The following DIP2A variants were observed in gnomAD, a reference collection of about 807,000 sequenced individuals.
DIP2A encodes the protein disco-interacting protein 2 homolog A.
In DIP2A, 85 loss-of-function variants were observed where a neutral mutation model predicts 177.4. The ratio of observed to expected loss-of-function variants is 0.48; its 90% CI spans 0.40 to 0.57. DIP2A has a LOEUF of 0.57. DIP2A is among the 20% of genes least tolerant of loss of function. The pLI is 0.00. For synonymous variants in DIP2A, 886 were observed against 881.8 expected (o/e 1.00, Z -0.08); for missense variants, 1,791 against 2,100.2 (o/e 0.85, Z 2.88).
chr21:46,559,446 G>A (rs1452838829), intron 32 of DIP2A, among the ~76,000 whole-genome samples: 11 of 152,196 alleles, frequency 7.2e-5, no homozygotes, highest in Non-Finnish European at 2.9e-5. Context: ...AGGGCAGGGC[G>A]GGGGCTCTGC....
chr21:46,459,945 C>G (rs1156502066), intron 1 of DIP2A, among the ~76,000 whole-genome samples: 1 of 152,140 alleles, frequency 6.6e-6, no homozygotes, highest in Non-Finnish European at 1.5e-5. Context: ...GGCTGTAGGT[C>G]TGGGCTTGGT....
chr21:46,522,236 T>G (rs2058855078), intron 8 of DIP2A, among the ~76,000 whole-genome samples: 1 of 152,254 alleles, frequency 6.6e-6, no homozygotes, highest in Non-Finnish European at 1.5e-5. Flanking sequence ...CTTAGTATTT[T>G]TAAACCAGTT....
intron 10 of DIP2A, among the ~76,000 whole-genome samples, chr21:46,533,185 T>C (rs1022792169): frequency 1.3e-5 from 2 of 152,228 alleles, no homozygotes; most frequent in Non-Finnish European, 2.9e-5. Flanking sequence ...TCAAACATGA[T>C]TCAATAGAAA....
downstream of DIP2A, among the ~76,000 whole-genome samples, chr21:46,573,158 C>T (rs569357568): frequency 3.7e-4 from 56 of 151,012 alleles, no homozygotes; most frequent in South Asian, 1.3e-3. Flanking sequence ...CACAGAAGGG[C>T]GCAATACAAG....
At chr21:46,554,055 A>G in intron 25 of DIP2A, 114 bp from the exon 26 acceptor site, 1 of 1,358,238 alleles carries the variant, frequency 7.4e-7, no homozygotes. Context: ...ATTATCATGG[A>G]CGCTAATCAC....
At chr21:46,539,469 C>T (rs541155495) in intron 16 of DIP2A, 28 of 314,494 alleles carry the variant, frequency 8.9e-5, no homozygotes, top group African/African-American at 4.6e-4. Flanking sequence ...CAGGTCTCTG[C>T]GTCTCCACCC....
chr21:46,478,426 G>T (rs552856871), intron 1 of DIP2A, among the ~76,000 whole-genome samples: 3 of 152,106 alleles, frequency 2.0e-5, no homozygotes, highest in African/African-American at 7.2e-5. Context: ...TGGTCAGGCT[G>T]GTCTCGAACT....
intron 6 of DIP2A, 111 bp downstream of exon 6, chr21:46,504,600 T>C: frequency 7.6e-7 from 1 of 1,307,742 alleles, no homozygotes; most frequent in Non-Finnish European, 1.0e-6. Flanking sequence ...CAAACGTCAG[T>C]TTTAATCCAT....
At chr21:46,528,443 C>T (rs16979309) in intron 8 of DIP2A, among the ~76,000 whole-genome samples, 1,826 of 138,714 alleles carry the variant, frequency 0.013, 33 homozygotes, top group African/African-American at 0.046. Flanking sequence ...GGCATGTATA[C>T]GTGTTTATAT....
chr21:46,531,417 A>G (rs559337163), intron 9 of DIP2A, among the ~76,000 whole-genome samples: 6 of 152,362 alleles, frequency 3.9e-5, no homozygotes, highest in African/African-American at 1.4e-4. Flanking sequence ...AAAAGAAAGG[A>G]AATGTGTACT....
intron 9 of DIP2A, 143 bp downstream of exon 9, chr21:46,529,326 G>A (rs1323919014): frequency 3.0e-5 from 18 of 606,220 alleles, no homozygotes; most frequent in Non-Finnish European, 4.2e-5. Context: ...AGGACTGGGT[G>A]CGGTGGCTCA....
At chr21:46,461,983 C>A in intron 1 of DIP2A, among the ~76,000 whole-genome samples, 1 of 151,758 alleles carries the variant, frequency 6.6e-6, no homozygotes, top group African/African-American at 2.4e-5. Context: ...GATCACCTGA[C>A]GAGGTTGTGA....
chr21:46,472,866 C>G (rs1015787162), intron 1 of DIP2A, among the ~76,000 whole-genome samples: 4 of 152,158 alleles, frequency 2.6e-5, no homozygotes, highest in African/African-American at 9.7e-5. Flanking sequence ...CCTGTTGCCT[C>G]TAGAATGGCA....
At chr21:46,484,035 T>G (rs377122451) in intron 1 of DIP2A, among the ~76,000 whole-genome samples, 1 of 152,194 alleles carries the variant, frequency 6.6e-6, no homozygotes, top group African/African-American at 2.4e-5. Context: ...TTTTTCCTTA[T>G]GATAATTTAC....
At position 46,529,128 on chromosome 21, in the gene DIP2A, C is replaced by G; in HGVS notation, c.1139C>G (p.Thr380Ser). The G allele has an allele frequency of 2.0e-6, 3 of 1,531,684 alleles. No homozygotes were observed. Among genetic ancestry groups the G allele is most frequent in the Non-Finnish European group, 2.6e-6 (3 of 1,138,828 alleles). 94.9% of individuals were successfully genotyped at this position (1,531,684 alleles called of 1,614,324 possible). The change falls in exon 9 of 38, where the codon ACT becomes AGT. Residue 380 changes from threonine to serine, a missense_variant. Transcript: ENST00000417564. The part of the protein sequence containing the change: ...LWSRSLKLAY[T>S]LLNKLTSKNE... ...AGTCGGAGTTTAAAACTAGCTTATA[C>G]TCTACTTAATAAACTGACAAGTAAG...
intron 32 of DIP2A, among the ~76,000 whole-genome samples, chr21:46,560,398 A>G (rs1279415199): frequency 6.6e-6 from 1 of 152,246 alleles, no homozygotes; most frequent in Non-Finnish European, 1.5e-5. Flanking sequence ...TGCCCCTCAA[A>G]TCCTAATGGT....
In DIP2A at chr21:46,504,268, A is replaced by G. The variant is rs771866150; in HGVS notation, c.656-93A>G. On this transcript the variant is annotated intron_variant, in intron 5 of 37. Transcript: ENST00000417564. ...CACTCTCCCCACTTAGAACTCAGCTAGTGGAGCTTTAGACTAACGGGGTTT... is the reference window on the plus strand; with the variant it reads ...CACTCTCCCCACTTAGAACTCAGCTGGTGGAGCTTTAGACTAACGGGGTTT... 322 of 1,507,562 alleles carry G rather than the reference A, an allele frequency of 2.1e-4. 1 individual carries two copies. Among genetic ancestry groups the G allele is most frequent in the Non-Finnish European group, 2.7e-4 (293 of 1,103,194 alleles). The allele number at this position is 1,507,562 out of a possible 1,614,324, so 93.4% of individuals were successfully genotyped here. A position where few individuals can be genotyped will look rare whatever the true frequency, so the allele number is the denominator to read the frequency against.
At chr21:46,471,789 T>A (rs548681735) in intron 1 of DIP2A, among the ~76,000 whole-genome samples, 1 of 152,314 alleles carries the variant, frequency 6.6e-6, no homozygotes, top group South Asian at 2.1e-4. Flanking sequence ...CAGCTAAAAT[T>A]ATAGCTGGGA....
chr21:46,531,858 C>T (rs920403352), intron 9 of DIP2A, among the ~76,000 whole-genome samples: 1 of 152,168 alleles, frequency 6.6e-6, no homozygotes, highest in African/African-American at 2.4e-5. Context: ...ACTAAATTTC[C>T]AGACCTCAAG....
Sources: gnomAD v4.1 joint callset for allele counts (sites outside exome capture counted in the v4.1 genomes callset) on GRCh38, gnomAD v4.1.1 for gene constraint, MANE v1.5 for transcripts, NCBI Gene and HGNC (gene_info 2026-07-23, HGNC 2026-07-21) for gene names.